The following SNX18 variants were observed in gnomAD, a reference collection of about 807,000 sequenced individuals.
The protein encoded by SNX18 is sorting nexin 18.
Under a neutral mutation model 48.7 loss-of-function variants are expected in SNX18, and 35 were observed. The ratio of observed to expected loss-of-function variants is 0.72; its 90% CI spans 0.55 to 0.95. SNX18 has a LOEUF of 0.95. Among genes scored for constraint, SNX18 ranks in the 40% least tolerant of loss-of-function variants. SNX18 has a pLI of 0.00. For missense variants in SNX18, 824 were observed against 871.0 expected, an observed-to-expected ratio of 0.95 and a Z score of 0.68; for synonymous variants, 492 against 384.7, an observed-to-expected ratio of 1.28 and a Z score of -3.26.
chr5:54,519,666 T>C, intron 1 of SNX18, 93 bp downstream of exon 1: 2 of 1,614,162 alleles, frequency 1.2e-6, no homozygotes, highest in South Asian at 2.2e-5. Context: ...GGTTTCAGAA[T>C]CATATTCTAC....
chr5:54,534,125 C>T (rs2112850694), intron 1 of SNX18, among the ~76,000 whole-genome samples: 1 of 152,292 alleles, frequency 6.6e-6, no homozygotes, highest in Middle Eastern at 3.4e-3. Context: ...CCTGTTCTTT[C>T]CCGTACACCA....
the SNX18 span, among the ~76,000 whole-genome samples, chr5:54,606,324 T>C: frequency 6.6e-6 from 1 of 152,248 alleles, no homozygotes; most frequent in Non-Finnish European, 1.5e-5. Context: ...TGCTATTGAT[T>C]CATCTATCAT....
the SNX18 span, among the ~76,000 whole-genome samples, chr5:54,577,861 G>A: frequency 6.6e-6 from 1 of 152,212 alleles, no homozygotes; most frequent in Non-Finnish European, 1.5e-5. Flanking sequence ...ACACCACATG[G>A]TGGTGGTGGG....
chr5:54,568,705 T>G, the SNX18 span, among the ~76,000 whole-genome samples: 1 of 152,194 alleles, frequency 6.6e-6, no homozygotes, highest in African/African-American at 2.4e-5. Context: ...TTAGCTAAAA[T>G]GAGCTTTAAT....
intron 1 of SNX18, among the ~76,000 whole-genome samples, chr5:54,522,668 G>A (rs1252485848): frequency 6.6e-6 from 1 of 152,120 alleles, no homozygotes; most frequent in Non-Finnish European, 1.5e-5. Flanking sequence ...CTCTTGCAGT[G>A]TGCCTTTATG....
downstream of SNX18, among the ~76,000 whole-genome samples, chr5:54,549,171 G>A (rs1173362369): frequency 6.6e-6 from 1 of 152,238 alleles, no homozygotes; most frequent in African/African-American, 2.4e-5. Context: ...TGTGAGAAAT[G>A]AATGGCAGGT....
intron 1 of SNX18, among the ~76,000 whole-genome samples, chr5:54,540,184 A>G (rs940717309): frequency 6.6e-6 from 1 of 151,386 alleles, no homozygotes; most frequent in Admixed American, 6.6e-5. Flanking sequence ...TGCTGATTTA[A>G]TAAGTTGTAA....
intron 1 of SNX18, among the ~76,000 whole-genome samples, chr5:54,521,248 G>A (rs1445763828): frequency 6.6e-6 from 1 of 152,198 alleles, no homozygotes; most frequent in Non-Finnish European, 1.5e-5. Context: ...TGGGCCGCTG[G>A]TGTCTGTCTA....
the SNX18 span, among the ~76,000 whole-genome samples, chr5:54,561,337 G>A: frequency 0.02 from 2,977 of 151,752 alleles, 76 homozygotes; most frequent in African/African-American, 0.064. Flanking sequence ...CACTGCACCC[G>A]GCCTCCTTTT....
chr5:54,616,681 A>AT, the SNX18 span, among the ~76,000 whole-genome samples: 1 of 152,108 alleles, frequency 6.6e-6, no homozygotes, highest in Non-Finnish European at 1.5e-5. Context: ...AGGCACGAGA[A>AT]TCTCTTGAAT....
chr5:54,556,523 A>G, the SNX18 span, among the ~76,000 whole-genome samples: 7 of 152,228 alleles, frequency 4.6e-5, no homozygotes, highest in African/African-American at 7.2e-5. Flanking sequence ...TCCACCTGGT[A>G]TAATGTAGGA....
the SNX18 span, among the ~76,000 whole-genome samples, chr5:54,598,556 T>G: frequency 6.6e-6 from 1 of 152,212 alleles, no homozygotes; most frequent in Admixed American, 6.5e-5. Flanking sequence ...GCTTTATTCC[T>G]GGGATGCAAG....
In SNX18 at chr5:54,518,309, C is replaced by T. The variant is rs762339274; in HGVS notation, c.357C>T (p.Phe119=). 1.3e-6 allele frequency: 2 copies of T among 1,532,950 alleles called. No homozygotes were observed. The highest frequency in any genetic ancestry group is 2.4e-5 in the South Asian group (2 of 82,512). 95.0% of individuals were successfully genotyped at this position (1,532,950 alleles called of 1,614,324 possible). The part of the protein sequence containing the change: ...QPQQAPPPST[F]QPPGAGFPYG... ...AGCAGGCGCCGCCTCCGAGCACCTT[C>T]CAGCCGCCCGGCGCGGGCTTCCCGT... Residue 119 remains phenylalanine (F), a synonymous_variant, in exon 1 of 2, where the codon TTC becomes TTT. Transcript: ENST00000381410.
At chr5:54,554,864 T>C in the SNX18 span, among the ~76,000 whole-genome samples, 1 of 152,178 alleles carries the variant, frequency 6.6e-6, no homozygotes, top group Non-Finnish European at 1.5e-5. Context: ...GGGGTCTTCC[T>C]TTTTCTAGTC....
At chr5:54,591,768 C>A in the SNX18 span, among the ~76,000 whole-genome samples, 5 of 152,214 alleles carry the variant, frequency 3.3e-5, no homozygotes, top group Non-Finnish European at 1.5e-5. Context: ...CAGAGCAGTG[C>A]ATACAAATGT....
At chr5:54,537,813 T>G (rs1287951813) in intron 1 of SNX18, among the ~76,000 whole-genome samples, 1 of 152,218 alleles carries the variant, frequency 6.6e-6, no homozygotes, top group African/African-American at 2.4e-5. Context: ...GGCAACATTT[T>G]TAGTTTTCAT....
At chr5:54,596,552 T>G in the SNX18 span, among the ~76,000 whole-genome samples, 2 of 152,140 alleles carry the variant, frequency 1.3e-5, no homozygotes, top group African/African-American at 4.8e-5. Context: ...AGAAGTGAAG[T>G]TCATACTCAT....
chr5:54,598,136 G>A, the SNX18 span, among the ~76,000 whole-genome samples: 8 of 152,144 alleles, frequency 5.3e-5, no homozygotes, highest in African/African-American at 1.4e-4. Flanking sequence ...TAGAAGAAAT[G>A]GATAAATTCC....
chr5:54,552,645 C>T, the SNX18 span, among the ~76,000 whole-genome samples: 12 of 151,974 alleles, frequency 7.9e-5, no homozygotes, highest in South Asian at 2.1e-4. Context: ...ACATCCTGGA[C>T]GCTGGGACCG....
Sources: allele counts gnomAD v4.1 joint callset (sites outside exome capture counted in the v4.1 genomes callset), GRCh38; gene constraint gnomAD v4.1.1; transcripts MANE v1.5; gene names NCBI Gene and HGNC (gene_info 2026-07-23, HGNC 2026-07-21).